NPAT: variants seen among roughly 807,000 people sequenced by gnomAD.
The protein encoded by NPAT is nuclear protein, coactivator of histone transcription, also known as protein NPAT.
Under a neutral mutation model 130.7 loss-of-function variants are expected in NPAT, and 52 were observed. The ratio of observed to expected loss-of-function variants is 0.40; its 90% CI spans 0.32 to 0.50. NPAT has a LOEUF of 0.50. Among genes scored for constraint, NPAT ranks in the 20% least tolerant of loss-of-function variants. The pLI is 0.68. For missense variants in NPAT, 1,687 were observed against 1,662.6 expected, an observed-to-expected ratio of 1.01 and a Z score of -0.26; for synonymous variants, 580 against 584.8, an observed-to-expected ratio of 0.99 and a Z score of 0.12.
intron 15 of NPAT, among the ~76,000 whole-genome samples, chr11:108,163,511 C>T (rs1320147374): frequency 6.6e-6 from 1 of 152,066 alleles, no homozygotes; most frequent in Non-Finnish European, 1.5e-5. Context: ...TGGCTATATT[C>T]CAGGTAAGAG....
intron 12 of NPAT, among the ~76,000 whole-genome samples, chr11:108,175,630 G>T (rs1233662984): frequency 6.6e-6 from 1 of 152,184 alleles, no homozygotes; most frequent in Non-Finnish European, 1.5e-5. Flanking sequence ...AAGAAATGGA[G>T]AATTGGACTT....
At chr11:108,193,376 T>G (rs1235965037) in intron 3 of NPAT, among the ~76,000 whole-genome samples, 4 of 152,228 alleles carry the variant, frequency 2.6e-5, no homozygotes, top group Non-Finnish European at 5.9e-5. Context: ...AAGGTAGTTT[T>G]TGGGTTATTT....
In NPAT at chr11:108,172,203, T is replaced by A. The variant is rs1281087954; in HGVS notation, c.2781A>T (p.Ser927=). The A allele has an allele frequency of 5.6e-6, 9 of 1,613,906 alleles. No homozygotes were observed. In the South Asian group the frequency reaches 9.9e-5, roughly 18 times the overall value. Residue 927 remains serine, a synonymous_variant, in exon 13 of 18, where the codon TCA becomes TCT. Transcript: ENST00000278612. ...AVNQAVSPNF[S]QGSAIIIASP... ...CAATTATGTTATTAAAGTTACCTTG[T>A]GAAAAGTTTGGTGACACAGCTTGGT...
At chr11:108,203,071 G>A (rs558874371) in intron 1 of NPAT, among the ~76,000 whole-genome samples, 25 of 152,180 alleles carry the variant, frequency 1.6e-4, no homozygotes, top group Admixed American at 7.2e-4. Context: ...AAAAGGTACC[G>A]CAGAAAACTG....
Position 108,158,434 on chromosome 11 carries a change from T to C in NPAT, c.*508A>G, listed in dbSNP as rs1022250073. On this transcript the variant is annotated 3_prime_UTR_variant, in exon 18 of 18. Transcript: ENST00000278612. ...AACTGTTGATTTCTAATTAGATATT[T>C]TGCTATCAGTTGAGGTGGTTATTAT... The C allele has an allele frequency of 2.0e-5, 3 of 153,328 alleles. No individual in the cohort carries two copies. Among genetic ancestry groups the C allele is most frequent in the African/African-American group, 4.8e-5 (2 of 41,456 alleles). The allele number at this position is 153,328 out of a possible 1,614,324, so 9.5% of individuals were successfully genotyped here. A position where few individuals can be genotyped will look rare whatever the true frequency, so the allele number is the denominator to read the frequency against.
chr11:108,203,462 A>C (rs2078294176), intron 1 of NPAT, among the ~76,000 whole-genome samples: 1 of 152,140 alleles, frequency 6.6e-6, no homozygotes, highest in African/African-American at 2.4e-5. Context: ...AAATATTCTT[A>C]GATTCATCAT....
rs1248404650 is a variant in NPAT, at chr11:108,158,686, T to A, written c.*256A>T. On this transcript the variant is annotated 3_prime_UTR_variant, in exon 18 of 18. Transcript: ENST00000278612. ...ACACAGTATTTACAATATGGAATTG[T>A]CAAAGCTATACAGTTTTGCAGATTG... The A allele has an allele frequency of 2.5e-6, 1 of 395,122 alleles. No individual in the cohort carries two copies. Among genetic ancestry groups the A allele is most frequent in the African/African-American group, 2.1e-5 (1 of 48,462 alleles). 24.5% of individuals were successfully genotyped at this position (395,122 alleles called of 1,614,324 possible).
At chr11:108,194,592 T>G (rs1336304735) in intron 2 of NPAT, among the ~76,000 whole-genome samples, 2 of 152,242 alleles carry the variant, frequency 1.3e-5, no homozygotes, top group Non-Finnish European at 2.9e-5. Flanking sequence ...ATTGCTGTTA[T>G]GAACACATCA....
Position 108,159,136 on chromosome 11 carries a change from T to C in NPAT, c.4207-117A>G. ...CATACTACTAAAATTGTCAAACTTTTTTAGTCTATTAGAATTTTACTTCTA... is the reference window on the plus strand; with the variant it reads ...CATACTACTAAAATTGTCAAACTTTCTTAGTCTATTAGAATTTTACTTCTA... On this transcript the variant is annotated intron_variant, in intron 17 of 17. Coordinates refer to ENST00000278612, the MANE Select transcript of NPAT (RefSeq NM_002519.3). 4 of 657,648 alleles carry C rather than the reference T, an allele frequency of 6.1e-6. No homozygotes were observed. The South Asian group carries it at 6.7e-5, about 11-fold the overall frequency. The allele number at this position is 657,648 out of a possible 1,614,324, so 40.7% of individuals were successfully genotyped here. A position where few individuals can be genotyped will look rare whatever the true frequency, so the allele number is the denominator to read the frequency against.
chr11:108,188,103 G>A lies in NPAT; in HGVS notation c.633C>T (p.Arg211=). ...AHASLMSPGR[R]KSESQRKSTT... The stretch of plus-strand genomic sequence containing the variant: ...CTCTTTTAAAAAGCATTTACCTTTT[G>A]CGTCTACCGGGAGACATTAAACTGG... Residue 211 remains arginine (R), a synonymous_variant, in exon 7 of 18, where the codon CGC becomes CGT. Coordinates refer to ENST00000278612, the MANE Select transcript of NPAT (RefSeq NM_002519.3). The A allele has an allele frequency of 6.2e-7, 1 of 1,602,898 alleles. No homozygotes were observed. The highest frequency in any genetic ancestry group is 1.1e-5 in the South Asian group (1 of 90,676).
chr11:108,159,810 A>C (rs544920493), intron 17 of NPAT, among the ~76,000 whole-genome samples: 1 of 152,056 alleles, frequency 6.6e-6, no homozygotes, highest in Non-Finnish European at 1.5e-5. Flanking sequence ...CAGGACTTCA[A>C]GACCAGCCTG....
rs534835761 is a variant in NPAT at position 108,197,343 on chromosome 11, C to G, written c.115G>C (p.Glu39Gln). 1.2e-6 allele frequency: 2 copies of G among 1,612,964 alleles called. No individual in the cohort carries two copies. Among genetic ancestry groups the G allele is most frequent in the Non-Finnish European group, 1.7e-6 (2 of 1,179,072 alleles). The change falls in exon 2 of 18, where the codon GAA becomes CAA. Residue 39 changes from glutamate to glutamine, a missense_variant. Glu to Gln is a conservative substitution (Grantham distance 29). This residue lies in a region of NPAT where 307 missense variants were observed against 298.9 expected (regional missense o/e 1.03). Coordinates refer to ENST00000278612, the MANE Select transcript of NPAT (RefSeq NM_002519.3). The part of the protein sequence containing the change: ...LESSDLKEYA[E>Q]HCTDEGFIPA... ...ATAAACCCTTCATCTGTACAATGTTCTGCATATTCTTTTAAATCTGAACTT... is the reference window on the plus strand; with the variant it reads ...ATAAACCCTTCATCTGTACAATGTTGTGCATATTCTTTTAAATCTGAACTT...
At position 108,171,692 on chromosome 11, in the gene NPAT, C is replaced by G. The variant is rs112898742; in HGVS notation, c.2785+507G>C. ...AGTAGAAATGAGGTTTCACCATGTT[C>G]TCGAGGCTGGTCTCAAACTCCTGAC... On this transcript the variant is annotated intron_variant, in intron 13 of 17. Transcript: ENST00000278612. 7.6e-3 allele frequency: 1,169 copies of G among 153,082 alleles called. 8 individuals are homozygous for G. Among genetic ancestry groups the G allele is most frequent in the African/African-American group, 0.024 (999 of 41,160 alleles). 9.5% of individuals were successfully genotyped at this position (153,082 alleles called of 1,614,324 possible).
In NPAT at chr11:108,222,552, A is replaced by G. The variant is rs1417285782; in HGVS notation, c.-16T>C. The G allele has an allele frequency of 1.2e-6, 2 of 1,613,702 alleles. No homozygotes were observed. The highest frequency in any genetic ancestry group is 1.7e-6 in the Non-Finnish European group (2 of 1,179,868). On this transcript the variant is annotated 5_prime_UTR_variant, in exon 1 of 18. Transcript: ENST00000278612. ...GTAACAACATGATCAAAACCACAGC[A>G]GGAACCACAATAAGGAACAAGACTC...
intron 1 of NPAT, among the ~76,000 whole-genome samples, chr11:108,209,171 T>C (rs1054151640): frequency 5.9e-5 from 9 of 152,114 alleles, no homozygotes; most frequent in Non-Finnish European, 8.8e-5. Flanking sequence ...TCCCAGATAC[T>C]CAGGAGGCTG....
chr11:108,204,441 C>G (rs562785940), intron 1 of NPAT, among the ~76,000 whole-genome samples: 21 of 152,334 alleles, frequency 1.4e-4, no homozygotes, highest in African/African-American at 5.1e-4. Flanking sequence ...GGTACCCTCT[C>G]ATGTTGAGAG....
rs1365117810 is a variant in NPAT, at chr11:108,172,779, T to C, written c.2205A>G (p.Ser735=). Reference sequence around the variant, plus strand: ...TGATAACTTTGAGAGAGACGATATTTGATGCATCTATCTCTGCTGAGTTGT... The same window carrying C: ...TGATAACTTTGAGAGAGACGATATTCGATGCATCTATCTCTGCTGAGTTGT... The part of the protein sequence containing the change: ...SSNNSAEIDA[S]NIVSLKVIIS... Residue 735 remains serine (S), a synonymous_variant, in exon 13 of 18, where the codon TCA becomes TCG. Transcript: ENST00000278612. 1 of 1,613,744 alleles carries C rather than the reference T, an allele frequency of 6.2e-7. No homozygotes were observed. The highest frequency in any genetic ancestry group is 1.1e-5 in the South Asian group (1 of 91,080).
At chr11:108,212,519 C>G (rs1182124323) in intron 1 of NPAT, among the ~76,000 whole-genome samples, 1 of 140,142 alleles carries the variant, frequency 7.1e-6, no homozygotes, top group Non-Finnish European at 1.6e-5. Context: ...AGAGAGACTC[C>G]GTCTCAAAAG....
chr11:108,200,542 T>C (rs1490867330), intron 1 of NPAT, among the ~76,000 whole-genome samples: 15 of 152,114 alleles, frequency 9.9e-5, no homozygotes, highest in Non-Finnish European at 1.8e-4. Context: ...GGAAAATTGG[T>C]GCAGCCACAA....
Sources: allele counts gnomAD v4.1 joint callset (sites outside exome capture counted in the v4.1 genomes callset), GRCh38; gene constraint gnomAD v4.1.1; regional missense constraint gnomAD v4.1.1; transcripts MANE v1.5; gene names NCBI Gene and HGNC (gene_info 2026-07-23, HGNC 2026-07-21).